Variants in REXO5 observed in about 807,000 individuals in gnomAD.
REXO5 encodes RNA exonuclease 5, also known as exonuclease NEF-sp.
In REXO5, 48 loss-of-function variants were observed where a neutral mutation model predicts 88.5. The observed-to-expected ratio is 0.54, with a 90% confidence interval of 0.43 to 0.69. The LOEUF is 0.69. Ranked by LOEUF, REXO5 falls within the 30% of genes least tolerant of loss-of-function variation. The probability of loss-of-function intolerance (pLI) is 0.00; values close to 1 mark genes in which losing one functional copy is unlikely to be tolerated. For synonymous variants in REXO5, 311 were observed against 336.5 expected, an observed-to-expected ratio of 0.92 and a Z score of 0.83; for missense variants, 749 against 912.2, an observed-to-expected ratio of 0.82 and a Z score of 2.30.
intron 1 of REXO5, 73 bp downstream of exon 1, chr16:20,806,778 G>T (rs1251914220): frequency 1.1e-5 from 12 of 1,131,720 alleles, no homozygotes; most frequent in Non-Finnish European, 1.5e-5. Flanking sequence ...CGGGGAGATC[G>T]TTGGCACCTT....
chr16:20,807,919 A>G (rs2080926700), intron 2 of REXO5, among the ~76,000 whole-genome samples: 1 of 152,078 alleles, frequency 6.6e-6, no homozygotes, highest in African/African-American at 2.4e-5. Context: ...GGGGTCCCCA[A>G]CCCACTGTCC....
At chr16:20,815,435 C>T (rs1479829406) in intron 4 of REXO5, among the ~76,000 whole-genome samples, 1 of 152,174 alleles carries the variant, frequency 6.6e-6, no homozygotes, top group Non-Finnish European at 1.5e-5. Flanking sequence ...GAGGCACCTG[C>T]TGTCCATTTT....
chr16:20,845,072 G>T lies in REXO5; in HGVS notation c.1955G>T (p.Ser652Ile). The T allele has an allele frequency of 6.2e-7, 1 of 1,613,650 alleles. No individual in the cohort carries two copies. Among genetic ancestry groups the T allele is most frequent in the Non-Finnish European group, 8.5e-7 (1 of 1,179,744 alleles). ...YCFLKFKSFG[S>I]AQQALNILTG... is the part of the protein sequence containing the mutation. ...CTTTCAGAATTCAAAAGTTTTGGCA[G>T]TGCCCAGCAGGCCCTCAACATTCTC... The change falls in exon 18 of 20, where the codon AGT becomes ATT. Residue 652 changes from serine to isoleucine, a missense_variant. Physicochemically the swap from Ser to Ile is moderately radical, Grantham distance 142. Coordinates refer to ENST00000261377, the MANE Select transcript of REXO5 (RefSeq NM_030941.3).
At chr16:20,836,874 G>T (rs759240708) in intron 13 of REXO5, among the ~76,000 whole-genome samples, 32 of 152,182 alleles carry the variant, frequency 2.1e-4, no homozygotes, top group Non-Finnish European at 4.1e-4. Flanking sequence ...CTAATGACAT[G>T]TAATGTGAAG....
chr16:20,807,149 C>A, intron 2 of REXO5, 58 bp downstream of exon 2: 1 of 1,539,474 alleles, frequency 6.5e-7, no homozygotes, highest in Non-Finnish European at 8.8e-7. Context: ...CCCGGACCCT[C>A]GCCCAACCGC....
intron 15 of REXO5, 136 bp from the exon 16 acceptor site, chr16:20,843,798 A>C: frequency 1.9e-6 from 1 of 521,034 alleles, no homozygotes; most frequent in Non-Finnish European, 3.4e-6. Flanking sequence ...TTTACAATCA[A>C]TACTTGTGTA....
At chr16:20,843,874 C>T in intron 15 of REXO5, 60 bp from the exon 16 acceptor site, 1 of 1,225,236 alleles carries the variant, frequency 8.2e-7, no homozygotes, top group Non-Finnish European at 1.2e-6. Flanking sequence ...CTTTCCCCAA[C>T]CCCTTCTTTA....
At chr16:20,829,338 G>C (rs1283251756) in intron 11 of REXO5, among the ~76,000 whole-genome samples, 1 of 152,064 alleles carries the variant, frequency 6.6e-6, no homozygotes, top group Admixed American at 6.6e-5. Context: ...ATAGATTTTT[G>C]TTTTCTTGGA....
At chr16:20,841,776 T>C (rs934900068) in intron 15 of REXO5, among the ~76,000 whole-genome samples, 1 of 152,162 alleles carries the variant, frequency 6.6e-6, no homozygotes, top group African/African-American at 2.4e-5. Flanking sequence ...TGGCTAATTT[T>C]TGTATTTTTA....
At chr16:20,809,281 A>T (rs2080961389) in intron 2 of REXO5, among the ~76,000 whole-genome samples, 1 of 152,176 alleles carries the variant, frequency 6.6e-6, no homozygotes, top group South Asian at 2.1e-4. Flanking sequence ...TTCTCTATAA[A>T]CCTACATAAT....
chr16:20,815,873 T>A (rs898051914), intron 4 of REXO5, among the ~76,000 whole-genome samples: 1 of 152,242 alleles, frequency 6.6e-6, no homozygotes, highest in Non-Finnish European at 1.5e-5. Flanking sequence ...TTTTCTTGTC[T>A]AAGTTGTATA....
chr16:20,816,943 T>G (rs1007870347), intron 5 of REXO5, among the ~76,000 whole-genome samples: 1 of 152,202 alleles, frequency 6.6e-6, no homozygotes, highest in African/African-American at 2.4e-5. Context: ...AGCTGAAAGA[T>G]TCATGATAGC....
intron 11 of REXO5, among the ~76,000 whole-genome samples, chr16:20,829,809 C>T (rs1387311670): frequency 6.6e-6 from 1 of 152,152 alleles, no homozygotes; most frequent in Non-Finnish European, 1.5e-5. Context: ...GAGGTGGAAC[C>T]AGAATTGAAA....
At chr16:20,844,569 T>C (rs2081577868) in intron 16 of REXO5, 60 bp from the exon 17 acceptor site, 1 of 1,445,514 alleles carries the variant, frequency 6.9e-7, no homozygotes, top group South Asian at 1.2e-5. Context: ...CTTGCTAGTA[T>C]CCAATAGGCC....
chr16:20,827,047 T>A lies in REXO5; in HGVS notation c.822-11T>A. The A allele has an allele frequency of 1.2e-6, 2 of 1,613,722 alleles. No individual in the cohort carries two copies. Among genetic ancestry groups the A allele is most frequent in the Non-Finnish European group, 1.7e-6 (2 of 1,179,844 alleles). ...ATCCTAGCCTGTCCATTTCTCTTTT[T>A]TTAATGAAAGCTTTTCGGGAATCAC... On this transcript the variant is annotated splice_polypyrimidine_tract_variant and intron_variant, in intron 8 of 19. Transcript: ENST00000261377.
chr16:20,822,974 A>G (rs115199346), intron 6 of REXO5, among the ~76,000 whole-genome samples: 2,037 of 152,314 alleles, frequency 0.013, 44 homozygotes, highest in African/African-American at 0.047. Context: ...CAGGCTGTGA[A>G]AGCTGCCGTA....
chr16:20,816,223 G>A lies in REXO5; in HGVS notation c.475+11G>A. On this transcript the variant is annotated intron_variant, in intron 5 of 19. Transcript: ENST00000261377. ...CCAAGACAATGGAAGGTATAGCTAT[G>A]ATGCTGGTTTGATGCTTTGCTCACT... 6.3e-6 allele frequency: 10 copies of A among 1,598,162 alleles called. No homozygotes were observed. Among genetic ancestry groups the A allele is most frequent in the Non-Finnish European group, 8.6e-6 (10 of 1,167,014 alleles).
chr16:20,837,595 T>C lies in REXO5; in HGVS notation c.1384-2160T>C, dbSNP rs185798130. On this transcript the variant is annotated intron_variant, in intron 13 of 19. Coordinates refer to ENST00000261377, the MANE Select transcript of REXO5 (RefSeq NM_030941.3). Reference sequence around the variant, plus strand: ...ATTAAAATTTCACTTGAATCTATTCTTTCTTGACAACTTGTAGTTGCTTTT... The same window carrying C: ...ATTAAAATTTCACTTGAATCTATTCCTTCTTGACAACTTGTAGTTGCTTTT... Among the ~76,000 whole-genome samples the C allele has an allele frequency of 5.3e-5, 8 of 152,354 alleles. No individual in the cohort carries two copies. The East Asian group carries it at 1.3e-3, about 26-fold the overall frequency.
intron 2 of REXO5, among the ~76,000 whole-genome samples, chr16:20,809,248 C>T (rs757303): frequency 0.43 from 64,894 of 151,982 alleles, 16,391 homozygotes; most frequent in Non-Finnish European, 0.58. Flanking sequence ...TTTCTACCCA[C>T]CCTCAAGATA....
Sources: gnomAD v4.1 joint callset for allele counts (sites outside exome capture counted in the v4.1 genomes callset) on GRCh38, gnomAD v4.1.1 for gene constraint, MANE v1.5 for transcripts, NCBI Gene and HGNC (gene_info 2026-07-23, HGNC 2026-07-21) for gene names.